The following TEAD1 variants were observed in gnomAD, a reference collection of about 807,000 sequenced individuals.
TEAD1 encodes TEA domain transcription factor 1.
A neutral mutation model predicts 54.9 loss-of-function variants in TEAD1; 9 were observed. The ratio of observed to expected loss-of-function variants is 0.16; its 90% CI spans 0.10 to 0.29. The LOEUF (loss-of-function observed/expected upper bound fraction) is 0.29, where lower values mean the gene tolerates loss of function less well. TEAD1 is among the 10% of genes least tolerant of loss of function. The probability of loss-of-function intolerance (pLI) is 1.00; values close to 1 mark genes in which losing one functional copy is unlikely to be tolerated. For missense variants in TEAD1, 387 were observed against 535.9 expected (o/e 0.72, Z 2.74); for synonymous variants, 200 against 187.8 (o/e 1.07, Z -0.53).
chr11:12,724,506 G>GA (rs1466621917), intron 2 of TEAD1, among the ~76,000 whole-genome samples: 1 of 152,224 alleles, frequency 6.6e-6, no homozygotes, highest in Non-Finnish European at 1.5e-5. Context: ...GCAGGCCGCT[G>GA]GCAAATTGAC....
chr11:12,694,576 A>G (rs1943538712), intron 2 of TEAD1, among the ~76,000 whole-genome samples: 1 of 152,106 alleles, frequency 6.6e-6, no homozygotes, highest in Non-Finnish European at 1.5e-5. Context: ...AGCAGTGCCC[A>G]CTTTGTGTAC....
chr11:12,738,814 C>G (rs1944588621), intron 2 of TEAD1, among the ~76,000 whole-genome samples: 1 of 152,040 alleles, frequency 6.6e-6, no homozygotes, highest in Non-Finnish European at 1.5e-5. Flanking sequence ...TTAATTAATT[C>G]TATATTTATT....
chr11:12,926,695 A>G lies in TEAD1; in HGVS notation c.1014+1643A>G, dbSNP rs1455950205. ...AGGGAATAGAAAGGGCACAGGAATA[A>G]GGATTAAATTTGGGGAGCAGCCACT... On this transcript the variant is annotated intron_variant, in intron 11 of 12. Coordinates refer to ENST00000527636, the MANE Select transcript of TEAD1 (RefSeq NM_021961.6). 2.0e-5 allele frequency among the ~76,000 whole-genome samples: 3 copies of G among 152,192 alleles called. No individual in the cohort carries two copies. The East Asian group carries it at 5.8e-4, about 29-fold the overall frequency.
intron 3 of TEAD1, among the ~76,000 whole-genome samples, chr11:12,781,299 T>C (rs1406338961): frequency 6.6e-6 from 1 of 152,160 alleles, no homozygotes; most frequent in Non-Finnish European, 1.5e-5. Flanking sequence ...AACAAAAGTA[T>C]AAGTGGTAAA....
Position 12,899,521 on chromosome 11 carries a change from A to G in TEAD1, c.700-2419A>G, listed in dbSNP as rs73409253. Among the ~76,000 whole-genome samples, 833 of 152,276 alleles carry G rather than the reference A, an allele frequency of 5.5e-3. 13 individuals are homozygous for G. Among genetic ancestry groups the G allele is most frequent in the African/African-American group, 0.019 (785 of 41,568 alleles). Reference sequence around the variant, plus strand: ...GAAAAAGTGATGTGGCAACATTTGAAAAAATGTATAAAAAGCTCAAAGATG... The same window carrying G: ...GAAAAAGTGATGTGGCAACATTTGAGAAAATGTATAAAAAGCTCAAAGATG... On this transcript the variant is annotated intron_variant, in intron 9 of 12. Transcript: ENST00000527636.
At chr11:12,688,037 C>T (rs1564907082) in intron 2 of TEAD1, among the ~76,000 whole-genome samples, 1 of 152,198 alleles carries the variant, frequency 6.6e-6, no homozygotes, top group East Asian at 1.9e-4. Flanking sequence ...AGTTAGCCCC[C>T]TCCATCACCC....
chr11:12,892,885 C>G (rs1948227041), intron 9 of TEAD1, among the ~76,000 whole-genome samples: 1 of 152,128 alleles, frequency 6.6e-6, no homozygotes, highest in African/African-American at 2.4e-5. Flanking sequence ...TCCTGTAATT[C>G]AGGGCTTGGA....
At chr11:12,898,916 T>C (rs1564982825) in intron 9 of TEAD1, among the ~76,000 whole-genome samples, 1 of 152,220 alleles carries the variant, frequency 6.6e-6, no homozygotes, top group South Asian at 2.1e-4. Flanking sequence ...TGGTATGTGG[T>C]AGATTTTACC....
intron 12 of TEAD1, 79 bp from the exon 13 acceptor site, chr11:12,937,030 A>G (rs559341370): frequency 6.1e-6 from 6 of 985,544 alleles, no homozygotes; most frequent in South Asian, 4.1e-5. Context: ...TTCTTCTCCA[A>G]TTAAGTCATA....
chr11:12,889,043 C>A (rs888909646), intron 9 of TEAD1, among the ~76,000 whole-genome samples: 1 of 152,168 alleles, frequency 6.6e-6, no homozygotes, highest in African/African-American at 2.4e-5. Context: ...GTCAGTCCCT[C>A]TGTTACCTTT....
At position 12,942,598 on chromosome 11, in the gene TEAD1, C is replaced by T. The variant is rs1336856215; in HGVS notation, c.*5376C>T. The T allele has an allele frequency of 2.0e-5, 3 of 152,232 alleles. No individual in the cohort carries two copies. The highest frequency in any genetic ancestry group is 4.1e-4 in the South Asian group (2 of 4,828). 9.4% of individuals were successfully genotyped at this position (152,232 alleles called of 1,614,324 possible). A position where few individuals can be genotyped will look rare whatever the true frequency, so the allele number is the denominator to read the frequency against. ...ACAGCTTTCTCCTCCTCCTTGTGTTCGTGTTCAGTCTCTGTGGAGACTTTC... is the reference window on the plus strand; with the variant it reads ...ACAGCTTTCTCCTCCTCCTTGTGTTTGTGTTCAGTCTCTGTGGAGACTTTC... On this transcript the variant is annotated 3_prime_UTR_variant, in exon 13 of 13. Coordinates refer to ENST00000527636, the MANE Select transcript of TEAD1 (RefSeq NM_021961.6).
At chr11:12,755,068 A>G (rs185591605) in intron 2 of TEAD1, among the ~76,000 whole-genome samples, 1 of 152,348 alleles carries the variant, frequency 6.6e-6, no homozygotes, top group East Asian at 1.9e-4. Flanking sequence ...GCCAGTGCCA[A>G]CATATCATTT....
At chr11:12,788,067 A>G (rs888017335) in intron 3 of TEAD1, among the ~76,000 whole-genome samples, 1 of 147,814 alleles carries the variant, frequency 6.8e-6, no homozygotes, top group Non-Finnish European at 1.5e-5. Context: ...AGTTCGGGTG[A>G]TTTTCCTGCT....
rs557401896 is a variant in TEAD1, at chr11:12,757,388, G to T, written c.-54-6791G>T. Among the ~76,000 whole-genome samples the T allele has an allele frequency of 8.5e-5, 13 of 152,300 alleles. No homozygotes were observed. In the South Asian group the frequency reaches 2.7e-3, roughly 32 times the overall value. On this transcript the variant is annotated intron_variant, in intron 2 of 12. Coordinates refer to ENST00000527636, the MANE Select transcript of TEAD1 (RefSeq NM_021961.6). ...CAAAAGGGAAAGGGAAATGGAGAAG[G>T]TAAAATATATTGTCTCAAAAGTTAC...
chr11:12,865,091 G>T, intron 5 of TEAD1, 191 bp downstream of exon 5: 1 of 690,102 alleles, frequency 1.4e-6, no homozygotes, highest in East Asian at 2.8e-5. Context: ...ATGTGTGTGA[G>T]CGCGTGTGTG....
chr11:12,866,720 C>A (rs1489894479), intron 5 of TEAD1, among the ~76,000 whole-genome samples: 5 of 152,196 alleles, frequency 3.3e-5, no homozygotes, highest in Non-Finnish European at 7.4e-5. Flanking sequence ...CCACCTCCGT[C>A]TTCTTGTAGT....
At chr11:12,860,634 C>T (rs564583019) in intron 3 of TEAD1, among the ~76,000 whole-genome samples, 5 of 152,332 alleles carry the variant, frequency 3.3e-5, no homozygotes, top group African/African-American at 1.2e-4. Context: ...GTTATTTCCT[C>T]ATTCATTCTT....
intron 2 of TEAD1, among the ~76,000 whole-genome samples, chr11:12,711,904 A>G (rs548762215): frequency 6.6e-6 from 1 of 152,262 alleles, no homozygotes; most frequent in East Asian, 1.9e-4. Flanking sequence ...GGCTGTATCA[A>G]GCTTCCTGAT....
intron 2 of TEAD1, among the ~76,000 whole-genome samples, chr11:12,696,844 T>C (rs113156187): frequency 1.8e-4 from 27 of 152,244 alleles, no homozygotes; most frequent in African/African-American, 6.3e-4. Flanking sequence ...AGAGCTGTCC[T>C]GGACCCTGTG....
Sources: gnomAD v4.1 joint callset for allele counts (sites outside exome capture counted in the v4.1 genomes callset) on GRCh38, gnomAD v4.1.1 for gene constraint, MANE v1.5 for transcripts, NCBI Gene and HGNC (gene_info 2026-07-23, HGNC 2026-07-21) for gene names.